RTL4: variants seen among roughly 807,000 people sequenced by gnomAD.
RTL4 encodes the protein retrotransposon Gag like 4.
A neutral mutation model predicts 5.3 loss-of-function variants in RTL4; 4 were observed. The ratio of observed to expected loss-of-function variants is 0.75; its 90% CI spans 0.37 to 1.72. The LOEUF is 1.72. Ranked by LOEUF, RTL4 falls within the 40% of genes most tolerant of loss-of-function variation. The pLI is 0.04. For synonymous variants in RTL4, 98 were observed against 87.3 expected, an observed-to-expected ratio of 1.12 and a Z score of -0.68; for missense variants, 260 against 227.1, an observed-to-expected ratio of 1.14 and a Z score of -0.93.
chrX:112,350,164 G>C, the RTL4 span, among the ~76,000 whole-genome samples: 7 of 109,634 alleles, frequency 6.4e-5, no homozygotes, highest in African/African-American at 2.0e-4. Context: ...GCTGGATTAC[G>C]TTTATTGATT....
chrX:112,407,739 T>G, the RTL4 span, among the ~76,000 whole-genome samples: 1 of 112,628 alleles, frequency 8.9e-6, no homozygotes, highest in Non-Finnish European at 1.9e-5. Flanking sequence ...TCCAGCACAG[T>G]CCTAGTAGTG....
At chrX:112,300,460 A>G in the RTL4 span, among the ~76,000 whole-genome samples, 2 of 112,436 alleles carry the variant, frequency 1.8e-5, no homozygotes, top group African/African-American at 6.5e-5. Context: ...AGGCTATAGC[A>G]AAGTGTTAAC....
chrX:112,324,565 T>G, the RTL4 span, among the ~76,000 whole-genome samples: 1 of 111,480 alleles, frequency 9.0e-6, no homozygotes, highest in African/African-American at 3.3e-5. Context: ...TGCAATTTTT[T>G]TTAACTTTTA....
the RTL4 span, among the ~76,000 whole-genome samples, chrX:112,169,854 G>C: frequency 8.9e-6 from 1 of 111,794 alleles, no homozygotes; most frequent in African/African-American, 3.3e-5. Context: ...GAGTGGGTGG[G>C]TGACACATGC....
the RTL4 span, among the ~76,000 whole-genome samples, chrX:112,161,826 TTC>T: frequency 9.0e-4 from 40 of 44,402 alleles, no homozygotes; most frequent in African/African-American, 2.4e-3. Context: ...CCTTCCTTCC[TTC>T]CTTCCTTCCT....
the RTL4 span, among the ~76,000 whole-genome samples, chrX:112,257,105 C>T: frequency 0.22 from 24,614 of 111,076 alleles, 2,267 homozygotes; most frequent in African/African-American, 0.36. Context: ...CAGTTTATAG[C>T]TGTTATACAT....
the RTL4 span, among the ~76,000 whole-genome samples, chrX:112,185,359 G>A: frequency 1.1e-5 from 1 of 94,577 alleles, no homozygotes; most frequent in Non-Finnish European, 2.1e-5. Flanking sequence ...TTTTCTTCCT[G>A]CATCAGCTAT....
At chrX:112,169,636 G>T in the RTL4 span, among the ~76,000 whole-genome samples, 3 of 111,587 alleles carry the variant, frequency 2.7e-5, no homozygotes, top group Non-Finnish European at 5.6e-5. Context: ...CAAGCACTGG[G>T]GCAGACTTAT....
At chrX:112,090,305 T>A in the RTL4 span, among the ~76,000 whole-genome samples, 520 of 111,175 alleles carry the variant, frequency 4.7e-3, 3 homozygotes, top group African/African-American at 0.016. Flanking sequence ...AAAATGTGGA[T>A]AACCTTGTCT....
At chrX:112,318,322 A>G in the RTL4 span, among the ~76,000 whole-genome samples, 2 of 111,248 alleles carry the variant, frequency 1.8e-5, no homozygotes, top group African/African-American at 6.5e-5. Flanking sequence ...AGTTCCTTTT[A>G]CTCCCTATGC....
At chrX:112,352,747 A>T in the RTL4 span, among the ~76,000 whole-genome samples, 1 of 111,626 alleles carries the variant, frequency 9.0e-6, no homozygotes. Flanking sequence ...AACCTAGGCA[A>T]TACCATTCAG....
the RTL4 span, among the ~76,000 whole-genome samples, chrX:112,234,975 TG>T: frequency 3.6e-5 from 4 of 111,424 alleles, no homozygotes; most frequent in Non-Finnish European, 7.5e-5. Context: ...TAGATTTGGC[TG>T]CTTAGGTGTG....
chrX:112,242,773 C>A, the RTL4 span, among the ~76,000 whole-genome samples: 1 of 111,400 alleles, frequency 9.0e-6, no homozygotes, highest in Non-Finnish European at 1.9e-5. Flanking sequence ...TGTCTTGTAC[C>A]GGTTTTCAAA....
chrX:112,265,642 G>C, the RTL4 span, among the ~76,000 whole-genome samples: 1 of 111,429 alleles, frequency 9.0e-6, no homozygotes, highest in Middle Eastern at 4.2e-3. Flanking sequence ...AAGTGAGATA[G>C]GTAGCTTGTC....
chrX:112,190,283 T>C, the RTL4 span, among the ~76,000 whole-genome samples: 500 of 109,907 alleles, frequency 4.5e-3, 3 homozygotes, highest in African/African-American at 0.016. Context: ...ATTAAACTTT[T>C]TTTTTTGTTC....
chrX:112,275,148 C>G, the RTL4 span, among the ~76,000 whole-genome samples: 1 of 109,726 alleles, frequency 9.1e-6, no homozygotes, highest in Non-Finnish European at 1.9e-5. Context: ...AGTAAGCTAA[C>G]ATTTTAATTT....
chrX:112,229,134 A>T, the RTL4 span, among the ~76,000 whole-genome samples: 2 of 111,910 alleles, frequency 1.8e-5, no homozygotes, highest in Non-Finnish European at 3.8e-5. Context: ...CTCATGAGGG[A>T]TGATGTTTTA....
chrX:112,143,757 C>A, the RTL4 span, among the ~76,000 whole-genome samples: 1 of 111,746 alleles, frequency 8.9e-6, no homozygotes, highest in Non-Finnish European at 1.9e-5. Context: ...TCCAGACCTG[C>A]AAAATCAGAA....
the RTL4 span, among the ~76,000 whole-genome samples, chrX:112,102,031 T>C: frequency 0.17 from 18,330 of 110,533 alleles, 2,321 homozygotes; most frequent in African/African-American, 0.43. Flanking sequence ...TAAAAGAATA[T>C]GTTTCTTTTG....
Sources: allele counts gnomAD v4.1 joint callset (sites outside exome capture counted in the v4.1 genomes callset), GRCh38; gene constraint gnomAD v4.1.1; transcripts MANE v1.5; gene names NCBI Gene and HGNC (gene_info 2026-07-23, HGNC 2026-07-21).